GATA6: variants seen among roughly 807,000 people sequenced by gnomAD.
GATA6 encodes GATA binding protein 6, also known as transcription factor GATA-6.
In GATA6, 11 loss-of-function variants were observed where a neutral mutation model predicts 48.1. The observed-to-expected ratio is 0.23, with a 90% CI of 0.14 to 0.38. The LOEUF is 0.38. GATA6 is among the 10% of genes least tolerant of loss of function. The pLI, the probability that GATA6 is intolerant of heterozygous loss-of-function variation, is 1.00. For missense variants in GATA6, 795 were observed against 850.3 expected, an observed-to-expected ratio of 0.93 and a Z score of 0.81; for synonymous variants, 419 against 396.1, an observed-to-expected ratio of 1.06 and a Z score of -0.69.
chr18:22,181,665 A>G, intron 4 of GATA6, 87 bp downstream of exon 4: 1 of 1,492,322 alleles, frequency 6.7e-7, no homozygotes, highest in South Asian at 1.1e-5. Flanking sequence ...CAAATGAAAG[A>G]TACTCAAGTG....
intron 2 of GATA6, chr18:22,176,640 G>C (rs993504096): frequency 6.8e-6 from 2 of 292,200 alleles, no homozygotes; most frequent in African/African-American, 4.6e-5. Flanking sequence ...CTGAGAGTAG[G>C]GGTCAGGGGA....
At chr18:22,195,172 G>A (rs2143332422) in intron 6 of GATA6, among the ~76,000 whole-genome samples, 1 of 152,302 alleles carries the variant, frequency 6.6e-6, no homozygotes, top group Admixed American at 6.5e-5. Context: ...TCGGTTTTGA[G>A]AGCTGAAGTT....
At chr18:22,173,816 A>C (rs2033087252) in intron 2 of GATA6, among the ~76,000 whole-genome samples, 1 of 151,842 alleles carries the variant, frequency 6.6e-6, no homozygotes, top group Non-Finnish European at 1.5e-5. Context: ...TAATTTTTGT[A>C]TTTTTAGTAG....
chr18:22,191,881 G>T (rs966433134), intron 6 of GATA6, among the ~76,000 whole-genome samples: 1 of 152,188 alleles, frequency 6.6e-6, no homozygotes, highest in Non-Finnish European at 1.5e-5. Flanking sequence ...CGAGTAAACG[G>T]TTCCAAGTCA....
chr18:22,178,410 C>T, intron 3 of GATA6, among the ~76,000 whole-genome samples: 1 of 152,196 alleles, frequency 6.6e-6, no homozygotes, highest in East Asian at 1.9e-4. Context: ...CTAAGGTTAA[C>T]ATTTGTTTAG....
In GATA6 at chr18:22,172,400, T is replaced by C; in HGVS notation, c.1135+121T>C. 1 of 1,442,648 alleles carries C rather than the reference T, an allele frequency of 6.9e-7. No homozygotes were observed. Among genetic ancestry groups the C allele is most frequent in the Admixed American group, 2.4e-5 (1 of 42,516 alleles). 89.4% of individuals were successfully genotyped at this position (1,442,648 alleles called of 1,614,324 possible). On this transcript the variant is annotated intron_variant, in intron 2 of 6. Coordinates refer to ENST00000269216, the MANE Select transcript of GATA6 (RefSeq NM_005257.6). This position sits in a 1 kb window ranked among gnomAD's most constrained non-coding sequence, Gnocchi z 5.2. ...ACTTTCTCGTCCGGGTGCGCGGAGG[T>C]CGGCCTGGTCCCAGGAAGGATTTGC...
chr18:22,192,847 T>G (rs1048133941), intron 6 of GATA6, among the ~76,000 whole-genome samples: 1 of 152,204 alleles, frequency 6.6e-6, no homozygotes, highest in African/African-American at 2.4e-5. Context: ...TTGGTGATAA[T>G]CCCAGAGTAC....
At chr18:22,196,735 C>G (rs910953708) in intron 6 of GATA6, among the ~76,000 whole-genome samples, 10 of 150,736 alleles carry the variant, frequency 6.6e-5, no homozygotes, top group Non-Finnish European at 1.0e-4. Flanking sequence ...GAGCAAGACC[C>G]TGTCTCAAAA....
chr18:22,188,083 T>TAA (rs113464485), intron 6 of GATA6, among the ~76,000 whole-genome samples: 3,097 of 149,408 alleles, frequency 0.021, 126 homozygotes, highest in African/African-American at 0.07. Flanking sequence ...ATTTCTAGTT[T>TAA]AAAAAAAAAA....
At position 22,172,298 on chromosome 18, in the gene GATA6, G is replaced by A. The variant is rs1409935792; in HGVS notation, c.1135+19G>A. ...AGTGCAGGTAAGGGTCGCGCCTCAG[G>A]TTCGGGGTGCGGGTCCAAAGCGCTG... On this transcript the variant is annotated intron_variant, in intron 2 of 6. Transcript: ENST00000269216. This position sits in a 1 kb window ranked among gnomAD's most constrained non-coding sequence, Gnocchi z 5.2. 5.2e-6 allele frequency: 8 copies of A among 1,530,402 alleles called. No homozygotes were observed. The highest frequency in any genetic ancestry group is 7.0e-6 in the Non-Finnish European group (8 of 1,144,620). 94.8% of individuals were successfully genotyped at this position (1,530,402 alleles called of 1,614,324 possible). A position where few individuals can be genotyped will look rare whatever the true frequency, so the allele number is the denominator to read the frequency against.
intron 2 of GATA6, 98 bp from the exon 3 acceptor site, chr18:22,176,857 C>T: frequency 7.2e-7 from 1 of 1,383,036 alleles, no homozygotes; most frequent in Non-Finnish European, 9.5e-7. Context: ...GGCAGGGAAG[C>T]CGGGCACCGG....
intron 6 of GATA6, among the ~76,000 whole-genome samples, chr18:22,191,700 A>G (rs1344430820): frequency 6.6e-6 from 1 of 152,236 alleles, no homozygotes; most frequent in Non-Finnish European, 1.5e-5. Flanking sequence ...GGTGTTGGCA[A>G]TGTGACAATT....
At chr18:22,178,627 G>C (rs2033156465) in intron 3 of GATA6, among the ~76,000 whole-genome samples, 1 of 152,108 alleles carries the variant, frequency 6.6e-6, no homozygotes, top group Admixed American at 6.5e-5. Flanking sequence ...TTTTATGGTT[G>C]GTTTTGTTTT....
At position 22,171,598 on chromosome 18, in the gene GATA6, G is replaced by T. The variant is rs1239432452; in HGVS notation, c.454G>T (p.Ala152Ser). ...GCCGGAGGAGATGTACCAGACCCTC[G>T]CCGCTCTCTCCAGCCAGGGTCCGGC... ...EQPEEMYQTLAALSSQGPAAY... is the reference protein window; with the variant it reads ...EQPEEMYQTLSALSSQGPAAY... The change falls in exon 2 of 7, where the codon GCC becomes TCC. Residue 152 changes from alanine (A) to serine (S), a missense_variant. Coordinates refer to ENST00000269216, the MANE Select transcript of GATA6 (RefSeq NM_005257.6). This position sits in a 1 kb window ranked among gnomAD's most constrained non-coding sequence, Gnocchi z 7.1. 1.2e-6 allele frequency: 2 copies of T among 1,600,832 alleles called. No individual in the cohort carries two copies. Among genetic ancestry groups the T allele is most frequent in the Admixed American group, 3.3e-5 (2 of 59,888 alleles).
At position 22,190,480 on chromosome 18, in the gene GATA6, G is replaced by A. The variant is rs1375389412; in HGVS notation, c.1620+7437G>A. On this transcript the variant is annotated intron_variant, in intron 6 of 6. Transcript: ENST00000269216. ...TGTTTATGAAGAAATTACTGAAAAA[G>A]CATTTCTTAATAGTGAAGTGCCTGT... Among the ~76,000 whole-genome samples, 7 of 151,888 alleles carry A rather than the reference G, an allele frequency of 4.6e-5. 1 individual carries two copies. Among genetic ancestry groups the A allele is most frequent in the Non-Finnish European group, 7.4e-5 (5 of 67,976 alleles).
chr18:22,189,853 G>A (rs1317840942), intron 6 of GATA6, among the ~76,000 whole-genome samples: 1 of 152,108 alleles, frequency 6.6e-6, no homozygotes, highest in African/African-American at 2.4e-5. Context: ...CCTTTTATGT[G>A]CCAGGTGTTT....
rs907270969 is a variant in GATA6, at chr18:22,170,250, C to T, written c.-38+568C>T. Reference sequence around the variant, plus strand: ...CGCTCCACCCCGCTACGTCCGATTCCGGAACGGTCCGGCGTTTCTGCTGCT... The same window carrying T: ...CGCTCCACCCCGCTACGTCCGATTCTGGAACGGTCCGGCGTTTCTGCTGCT... On this transcript the variant is annotated intron_variant, in intron 1 of 6. Transcript: ENST00000269216. This position sits in a 1 kb window ranked among gnomAD's most constrained non-coding sequence, Gnocchi z 6.7. Among the ~76,000 whole-genome samples, 23 of 152,224 alleles carry T rather than the reference C, an allele frequency of 1.5e-4. No individual in the cohort carries two copies. The highest frequency in any genetic ancestry group is 4.6e-4 in the Admixed American group (7 of 15,290).
At chr18:22,183,084 G>T (rs1414673606) in intron 6 of GATA6, 41 bp downstream of exon 6, 3 of 1,443,482 alleles carry the variant, frequency 2.1e-6, no homozygotes, top group Non-Finnish European at 2.9e-6. Context: ...TTACTGGGCT[G>T]CTCTCTAGTA....
chr18:22,192,527 G>A (rs2033339937), intron 6 of GATA6, among the ~76,000 whole-genome samples: 1 of 152,162 alleles, frequency 6.6e-6, no homozygotes, highest in Admixed American at 6.5e-5. Flanking sequence ...CTGATACTTA[G>A]TACTTTCCTA....
Sources: allele counts gnomAD v4.1 joint callset (sites outside exome capture counted in the v4.1 genomes callset), GRCh38; gene constraint gnomAD v4.1.1; non-coding constraint Gnocchi (gnomAD v3.1); transcripts MANE v1.5; gene names NCBI Gene and HGNC (gene_info 2026-07-23, HGNC 2026-07-21).